KAZN: variants seen among roughly 807,000 people sequenced by gnomAD.
The protein encoded by KAZN is kazrin, periplakin interacting protein.
KAZN carries 40 observed loss-of-function variants against 87.4 expected under a neutral mutation model. That is an observed-to-expected ratio of 0.46 (90% confidence interval 0.36 to 0.60). KAZN has a LOEUF of 0.60. Among genes scored for constraint, KAZN ranks in the 20% least tolerant of loss-of-function variants. KAZN has a pLI of 0.00. For synonymous variants in KAZN, 466 were observed against 458.3 expected (o/e 1.02, Z -0.22); for missense variants, 898 against 1,073.9 (o/e 0.84, Z 2.29).
At chr1:15,011,580 C>T (rs1669576048) in intron 2 of KAZN, among the ~76,000 whole-genome samples, 1 of 152,116 alleles carries the variant, frequency 6.6e-6, no homozygotes, top group Non-Finnish European at 1.5e-5. Context: ...GTGTTACCTA[C>T]TTATTGCATT....
chr1:14,538,929 A>T (rs1672652704), intron 2 of KAZN, among the ~76,000 whole-genome samples: 1 of 152,132 alleles, frequency 6.6e-6, no homozygotes, highest in African/African-American at 2.4e-5. Context: ...CTGGCCAGGA[A>T]TTTACCCTTT....
At chr1:13,967,427 G>C (rs994347967) in intron 1 of KAZN, among the ~76,000 whole-genome samples, 4 of 152,154 alleles carry the variant, frequency 2.6e-5, no homozygotes, top group Non-Finnish European at 5.9e-5. Context: ...ATAATACATT[G>C]AGGCGACCCT....
At chr1:14,955,318 C>A (rs1347849654) in intron 1 of KAZN, among the ~76,000 whole-genome samples, 1 of 152,248 alleles carries the variant, frequency 6.6e-6, no homozygotes, top group African/African-American at 2.4e-5. Flanking sequence ...TTCCCATCTC[C>A]CCCGTTTTAC....
intron 2 of KAZN, among the ~76,000 whole-genome samples, chr1:14,572,250 T>C (rs1313913909): frequency 2.6e-5 from 4 of 152,198 alleles, no homozygotes; most frequent in Admixed American, 6.5e-5. Flanking sequence ...TTCATATTTC[T>C]TGATGCAGAT....
In KAZN at chr1:15,117,110, T is replaced by G. The variant is rs1207531629; in HGVS notation, c.*2475T>G. 1 of 152,224 alleles carries G rather than the reference T, an allele frequency of 6.6e-6. No individual in the cohort carries two copies. Among genetic ancestry groups the G allele is most frequent in the Non-Finnish European group, 1.5e-5 (1 of 68,056 alleles). The allele number at this position is 152,224 out of a possible 1,614,324, so 9.4% of individuals were successfully genotyped here. A position where few individuals can be genotyped will look rare whatever the true frequency, so the allele number is the denominator to read the frequency against. On this transcript the variant is annotated 3_prime_UTR_variant, in exon 15 of 15. Transcript: ENST00000376030. ...GTGAGCTTTGTCTGCTGGAAAAACC[T>G]GAAACGTCAACTCTGCTTCAAGGTC...
At chr1:14,460,276 G>A (rs1667788031) in intron 2 of KAZN, among the ~76,000 whole-genome samples, 1 of 152,206 alleles carries the variant, frequency 6.6e-6, no homozygotes, top group Admixed American at 6.5e-5. Flanking sequence ...TGTCGGGCTT[G>A]GGCATCCCCA....
At chr1:14,555,517 A>G (rs1673807790) in intron 2 of KAZN, among the ~76,000 whole-genome samples, 1 of 152,216 alleles carries the variant, frequency 6.6e-6, no homozygotes, top group Admixed American at 6.5e-5. Context: ...ATTACATTGA[A>G]TCTACATTTC....
intron 1 of KAZN, among the ~76,000 whole-genome samples, chr1:14,905,738 G>C (rs1656453124): frequency 6.6e-6 from 1 of 151,562 alleles, no homozygotes; most frequent in Non-Finnish European, 1.5e-5. Flanking sequence ...CGGCTACTCG[G>C]GAGGCTGAGG....
intron 2 of KAZN, among the ~76,000 whole-genome samples, chr1:14,266,721 C>T (rs1043175931): frequency 2.0e-5 from 3 of 152,190 alleles, no homozygotes; most frequent in African/African-American, 4.8e-5. Flanking sequence ...CACCCCCCCA[C>T]ACTCACACTG....
chr1:13,895,365 G>A (rs960725424), intron 1 of KAZN, among the ~76,000 whole-genome samples: 3 of 152,186 alleles, frequency 2.0e-5, no homozygotes, highest in South Asian at 4.2e-4. Context: ...GGGAAGGCAC[G>A]TCGGATTTCT....
At chr1:14,913,508 C>T (rs1216970337) in intron 1 of KAZN, among the ~76,000 whole-genome samples, 1 of 152,202 alleles carries the variant, frequency 6.6e-6, no homozygotes, top group African/African-American at 2.4e-5. Flanking sequence ...TCTAATTAGT[C>T]CCATTGGGAC....
At chr1:14,399,724 GCT>G (rs769543025) in intron 2 of KAZN, among the ~76,000 whole-genome samples, 81 of 152,190 alleles carry the variant, frequency 5.3e-4, no homozygotes, top group Non-Finnish European at 8.7e-4. Flanking sequence ...ATGCTGCTCT[GCT>G]CTGAGATCAA....
At chr1:14,658,182 T>C (rs1042102636) in intron 1 of KAZN, among the ~76,000 whole-genome samples, 1 of 152,162 alleles carries the variant, frequency 6.6e-6, no homozygotes, top group Non-Finnish European at 1.5e-5. Flanking sequence ...ACAGCATTTA[T>C]AAAACCCCGA....
chr1:14,608,972 A>T (rs1397761709), intron 1 of KAZN, among the ~76,000 whole-genome samples: 1 of 152,156 alleles, frequency 6.6e-6, no homozygotes, highest in Non-Finnish European at 1.5e-5. Context: ...TGAAATTGGC[A>T]AGAATACGCT....
At chr1:14,663,621 AAAAACAAAAC>A (rs543199285) in intron 1 of KAZN, among the ~76,000 whole-genome samples, 65 of 152,316 alleles carry the variant, frequency 4.3e-4, no homozygotes, top group Non-Finnish European at 6.8e-4. Flanking sequence ...GGCTGCTGTA[AAAAACAAAAC>A]AAAACAAAAA....
chr1:14,763,813 G>A (rs551715605), intron 1 of KAZN, among the ~76,000 whole-genome samples: 3 of 152,136 alleles, frequency 2.0e-5, no homozygotes, highest in Admixed American at 6.6e-5. Context: ...GCAATGGCAC[G>A]ATCTTGGCTC....
At chr1:14,129,567 T>C (rs1644948054) in intron 1 of KAZN, among the ~76,000 whole-genome samples, 1 of 152,252 alleles carries the variant, frequency 6.6e-6, no homozygotes, top group Admixed American at 6.5e-5. Context: ...TCTGTGGGGC[T>C]GTGCTGCGTC....
chr1:14,516,695 T>C (rs949869573), intron 2 of KAZN, among the ~76,000 whole-genome samples: 2 of 152,222 alleles, frequency 1.3e-5, no homozygotes, highest in Non-Finnish European at 2.9e-5. Context: ...GTCAGCTCCT[T>C]GAGGGCAGGC....
chr1:14,844,136 C>T (rs1648379358), intron 1 of KAZN, among the ~76,000 whole-genome samples: 1 of 152,138 alleles, frequency 6.6e-6, no homozygotes, highest in Non-Finnish European at 1.5e-5. Context: ...CTAGTCCAGA[C>T]TGAGCCTGCT....
Sources: allele counts gnomAD v4.1 joint callset (sites outside exome capture counted in the v4.1 genomes callset), GRCh38; gene constraint gnomAD v4.1.1; transcripts MANE v1.5; gene names NCBI Gene and HGNC (gene_info 2026-07-23, HGNC 2026-07-21).